The following INVS variants were observed in gnomAD, a reference collection of about 807,000 sequenced individuals.
INVS encodes inversin.
INVS carries 86 observed loss-of-function variants against 108.8 expected under a neutral mutation model. The ratio of observed to expected loss-of-function variants is 0.79; its 90% CI spans 0.66 to 0.95. INVS has a LOEUF of 0.95. INVS is among the 40% of genes least tolerant of loss of function. The pLI is 0.00. For missense variants in INVS, 1,169 were observed against 1,297.4 expected, an observed-to-expected ratio of 0.90 and a Z score of 1.52; for synonymous variants, 455 against 473.5, an observed-to-expected ratio of 0.96 and a Z score of 0.51.
At chr9:100,239,183 G>T (rs542531225) in intron 5 of INVS, among the ~76,000 whole-genome samples, 1 of 152,192 alleles carries the variant, frequency 6.6e-6, no homozygotes, top group African/African-American at 2.4e-5. Context: ...GATATGTAAA[G>T]GAAACATTAA....
At chr9:100,267,040 AAAAG>A (rs1832816474) in intron 11 of INVS, among the ~76,000 whole-genome samples, 1 of 151,074 alleles carries the variant, frequency 6.6e-6, no homozygotes, top group African/African-American at 2.4e-5. Context: ...AAAAAAAAAA[AAAAG>A]AAAGTTTAAG....
chr9:100,271,194 A>G (rs1832944854), intron 11 of INVS, among the ~76,000 whole-genome samples: 1 of 152,120 alleles, frequency 6.6e-6, no homozygotes. Flanking sequence ...CTGAAAATAC[A>G]TTTTTCATAG....
intron 10 of INVS, among the ~76,000 whole-genome samples, chr9:100,261,922 C>T (rs1832636881): frequency 6.6e-6 from 1 of 152,086 alleles, no homozygotes; most frequent in African/African-American, 2.4e-5. Flanking sequence ...CTTATATTCC[C>T]ACTTGCCAAG....
At chr9:100,180,266 AAAT>A (rs916512197) in intron 3 of INVS, among the ~76,000 whole-genome samples, 1 of 152,134 alleles carries the variant, frequency 6.6e-6, no homozygotes, top group Non-Finnish European at 1.5e-5. Context: ...AGAAGACAAG[AAAT>A]AACTAAGATC....
chr9:100,131,143 T>G (rs1177516659), intron 3 of INVS, among the ~76,000 whole-genome samples: 1 of 152,148 alleles, frequency 6.6e-6, no homozygotes, highest in Non-Finnish European at 1.5e-5. Flanking sequence ...ATTGCTTACT[T>G]GTCTCTTTTC....
intron 2 of INVS, among the ~76,000 whole-genome samples, chr9:100,112,409 G>A (rs1033257290): frequency 2.0e-5 from 3 of 152,168 alleles, no homozygotes; most frequent in Non-Finnish European, 4.4e-5. Context: ...AACAATGTAT[G>A]TCAGGGAACA....
intron 2 of INVS, chr9:100,117,421 C>T (rs1424384612): frequency 7.6e-6 from 6 of 790,750 alleles, no homozygotes; most frequent in Non-Finnish European, 1.3e-5. Context: ...TCTTCATGTC[C>T]TTGACCAAGC....
chr9:100,270,797 C>T (rs1223651513), intron 11 of INVS, among the ~76,000 whole-genome samples: 2 of 149,410 alleles, frequency 1.3e-5, no homozygotes, highest in Admixed American at 6.7e-5. Flanking sequence ...TGGTACATGC[C>T]CGTGGTCCCA....
At chr9:100,271,213 AC>A (rs1447025904) in intron 11 of INVS, among the ~76,000 whole-genome samples, 1 of 152,216 alleles carries the variant, frequency 6.6e-6, no homozygotes, top group Non-Finnish European at 1.5e-5. Context: ...AGATAAACAT[AC>A]AGGGATATAT....
intron 12 of INVS, 145 bp from the exon 13 acceptor site, chr9:100,284,175 G>A: frequency 1.1e-6 from 1 of 921,540 alleles, no homozygotes; most frequent in Non-Finnish European, 1.7e-6. Context: ...TATTTTATCT[G>A]GAGAAAAGAC....
rs772871028 is a variant in INVS, at chr9:100,298,160, C to T, written c.3091+150C>T. 5 of 1,539,740 alleles carry T rather than the reference C, an allele frequency of 3.2e-6. No homozygotes were observed. The African/African-American group carries it at 4.1e-5, about 13-fold the overall frequency. On this transcript the variant is annotated intron_variant, in intron 16 of 16. Coordinates refer to ENST00000262457, the MANE Select transcript of INVS (RefSeq NM_014425.5). ...TTCATGGGATTATTACTGTAGCCAA[C>T]ATCTGTCTCCCTAAGAGGCAAATTA...
At chr9:100,197,058 C>A (rs558261165) in intron 3 of INVS, among the ~76,000 whole-genome samples, 1 of 152,196 alleles carries the variant, frequency 6.6e-6, no homozygotes, top group Non-Finnish European at 1.5e-5. Flanking sequence ...TATCAGATAC[C>A]ACAGATTGAA....
intron 3 of INVS, among the ~76,000 whole-genome samples, chr9:100,224,446 A>G (rs978543270): frequency 6.6e-5 from 10 of 152,204 alleles, no homozygotes; most frequent in African/African-American, 2.2e-4. Context: ...TACCAAGCAC[A>G]TAGAAACCTC....
chr9:100,181,150 T>C (rs1588067956), intron 3 of INVS, among the ~76,000 whole-genome samples: 1 of 152,190 alleles, frequency 6.6e-6, no homozygotes, highest in Admixed American at 6.5e-5. Flanking sequence ...GACCTACTTA[T>C]GACAAACCCA....
At chr9:100,160,954 CAAAAA>C (rs34945084) in intron 3 of INVS, among the ~76,000 whole-genome samples, 7 of 72,640 alleles carry the variant, frequency 9.6e-5, no homozygotes, top group Admixed American at 1.8e-4. Flanking sequence ...GACTCTGTCT[CAAAAA>C]AAAAAAAAAA....
chr9:100,300,159 A>G (rs948256334), intron 16 of INVS, among the ~76,000 whole-genome samples: 7 of 152,230 alleles, frequency 4.6e-5, no homozygotes, highest in Non-Finnish European at 8.8e-5. Flanking sequence ...TCAGCTTATC[A>G]TTCATGAGGA....
Position 100,203,687 on chromosome 9 carries a change from G to C in INVS, c.274-22375G>C, listed in dbSNP as rs1218235491. Among the ~76,000 whole-genome samples the C allele has an allele frequency of 3.9e-5, 6 of 152,010 alleles. No homozygotes were observed. In the East Asian group the frequency reaches 1.2e-3, roughly 29 times the overall value. ...GTGGCTAATTTTTGTATTTTTAGTA[G>C]AGACAGGTTTTTACCATGTTGGCCA... On this transcript the variant is annotated intron_variant, in intron 3 of 16. Transcript: ENST00000262457.
intron 7 of INVS, among the ~76,000 whole-genome samples, chr9:100,243,528 C>T (rs186008406): frequency 2.0e-5 from 3 of 152,150 alleles, no homozygotes; most frequent in Non-Finnish European, 2.9e-5. Flanking sequence ...ATAGTTCTTC[C>T]CCTCTACTTT....
chr9:100,115,703 AT>A (rs1827495046), intron 2 of INVS, among the ~76,000 whole-genome samples: 1 of 152,236 alleles, frequency 6.6e-6, no homozygotes, highest in Admixed American at 6.5e-5. Flanking sequence ...ATTATTGGAC[AT>A]TTGGGTTGGT....
Sources: gnomAD v4.1 joint callset for allele counts (sites outside exome capture counted in the v4.1 genomes callset) on GRCh38, gnomAD v4.1.1 for gene constraint, MANE v1.5 for transcripts, NCBI Gene and HGNC (gene_info 2026-07-23, HGNC 2026-07-21) for gene names.